The following NOLC1 variants were observed in gnomAD, a reference collection of about 807,000 sequenced individuals.
The protein encoded by NOLC1 is 140 kDa nucleolar phosphoprotein.
Under a neutral mutation model 73.4 loss-of-function variants are expected in NOLC1, and 37 were observed. The observed-to-expected ratio is 0.50, with a 90% CI of 0.39 to 0.66. The LOEUF is 0.66. Ranked by LOEUF, NOLC1 falls within the 30% of genes least tolerant of loss-of-function variation. The pLI, the probability that NOLC1 is intolerant of heterozygous loss-of-function variation, is 0.00. For missense variants in NOLC1, 921 were observed against 838.9 expected, an observed-to-expected ratio of 1.10 and a Z score of -1.21; for synonymous variants, 327 against 302.6, an observed-to-expected ratio of 1.08 and a Z score of -0.84.
chr10:102,159,977 A>G lies in NOLC1; in HGVS notation c.941A>G (p.Glu314Gly). Reference protein sequence around the residue: ...LGTQPPKKAVEKQQPVESSED... With the variant: ...LGTQPPKKAVGKQQPVESSED... ...ACCCAGCCTCCCAAGAAGGCTGTGG[A>G]GAAGCAGCAGCCTGTGGAAAGCAGT... is the stretch of plus-strand genomic sequence containing the variant. Residue 314 changes from glutamate (E) to glycine (G), a missense_variant, in exon 8 of 13, where the codon GAG becomes GGG. Glu to Gly is a moderately conservative substitution (Grantham distance 98). Transcript: ENST00000605788. The G allele has an allele frequency of 6.2e-7, 1 of 1,612,036 alleles. No individual in the cohort carries two copies. The highest frequency in any genetic ancestry group is 8.5e-7 in the Non-Finnish European group (1 of 1,179,046).
intron 1 of NOLC1, 46 bp from the exon 2 acceptor site, chr10:102,156,973 A>G (rs1368340765): frequency 6.4e-7 from 1 of 1,574,226 alleles, no homozygotes; most frequent in East Asian, 2.2e-5. Flanking sequence ...ATGAAAGCAT[A>G]ACCAGGATAA....
intron 12 of NOLC1, 75 bp from the exon 13 acceptor site, chr10:102,162,036 A>C: frequency 6.2e-7 from 1 of 1,602,984 alleles, no homozygotes; most frequent in South Asian, 1.1e-5. Flanking sequence ...TTCCTTGAGC[A>C]GGGAGTAGAA....
rs1317707741 is a variant in NOLC1, at chr10:102,163,256, A to G, written c.*987A>G. The G allele has an allele frequency of 6.6e-6, 1 of 151,774 alleles. No individual in the cohort carries two copies. Among genetic ancestry groups the G allele is most frequent in the East Asian group, 1.9e-4 (1 of 5,204 alleles). The allele number at this position is 151,774 out of a possible 1,614,324, so 9.4% of individuals were successfully genotyped here. A position where few individuals can be genotyped will look rare whatever the true frequency, so the allele number is the denominator to read the frequency against. Reference sequence around the variant, plus strand: ...ACTGATCAAGAAAGTGGGGGGAAAAAAAACAAACGTTAAAACCTCAATCCT... The same window carrying G: ...ACTGATCAAGAAAGTGGGGGGAAAAGAAACAAACGTTAAAACCTCAATCCT... On this transcript the variant is annotated 3_prime_UTR_variant, in exon 13 of 13. Transcript: ENST00000605788.
At chr10:102,154,556 C>T (rs1056051323) in intron 1 of NOLC1, among the ~76,000 whole-genome samples, 1 of 152,154 alleles carries the variant, frequency 6.6e-6, no homozygotes, top group Non-Finnish European at 1.5e-5. Context: ...CTCACTGTTG[C>T]CCAGGCGGGA....
At chr10:102,160,050 C>A in intron 8 of NOLC1, 26 bp downstream of exon 8, 1 of 1,608,460 alleles carries the variant, frequency 6.2e-7, no homozygotes, top group Non-Finnish European at 8.5e-7. Flanking sequence ...GCAGCCTCCC[C>A]TCAGCGTGGG....
chr10:102,156,734 A>ATT (rs1478137674), intron 1 of NOLC1, among the ~76,000 whole-genome samples: 1 of 151,978 alleles, frequency 6.6e-6, no homozygotes, highest in East Asian at 1.9e-4. Context: ...TGACTGGCTG[A>ATT]TTTTTTGTTT....
At position 102,158,032 on chromosome 10, in the gene NOLC1, T is replaced by G. The variant is rs765350408; in HGVS notation, c.442-17T>G. 7.5e-6 allele frequency: 12 copies of G among 1,610,012 alleles called. No homozygotes were observed. Among genetic ancestry groups the G allele is most frequent in the Non-Finnish European group, 9.3e-6 (11 of 1,178,418 alleles). On this transcript the variant is annotated splice_polypyrimidine_tract_variant and intron_variant, in intron 4 of 12. Transcript: ENST00000605788. ...GGAAGCTTTTGCTGATTTCTCTCCTTGTGTCTTTTCTAACAGAAGGGAGTT... is the reference window on the plus strand; with the variant it reads ...GGAAGCTTTTGCTGATTTCTCTCCTGGTGTCTTTTCTAACAGAAGGGAGTT...
At chr10:102,157,953 T>C (rs1232819284) in intron 4 of NOLC1, 96 bp from the exon 5 acceptor site, 15 of 1,113,694 alleles carry the variant, frequency 1.3e-5, no homozygotes, top group Non-Finnish European at 1.9e-5. Flanking sequence ...TTGCTCTTAC[T>C]GCTCCATTAG....
At position 102,161,907 on chromosome 10, in the gene NOLC1, C is replaced by T. The variant is rs758173436; in HGVS notation, c.1923C>T (p.Asp641=). ...EEIEVDSRVA[D]NSFDAKRGAA... ...TTGAGGTGGATTCACGAGTTGCGGA[C>T]AACTCCTTTGATGCCAAGGTGAGAG... is the stretch of plus-strand genomic sequence containing the variant. The change falls in exon 12 of 13, where the codon GAC becomes GAT. Residue 641 remains aspartate (D), a synonymous_variant. Transcript: ENST00000605788. The T allele has an allele frequency of 8.1e-6, 13 of 1,614,128 alleles. No individual in the cohort carries two copies. Among genetic ancestry groups the T allele is most frequent in the Admixed American group, 3.3e-5 (2 of 60,026 alleles).
chr10:102,162,318 C>T lies in NOLC1; in HGVS notation c.*49C>T, dbSNP rs368900320. 73 of 1,592,052 alleles carry T rather than the reference C, an allele frequency of 4.6e-5. 1 individual carries two copies. Among genetic ancestry groups the T allele is most frequent in the Non-Finnish European group, 6.2e-5 (72 of 1,166,782 alleles). Reference sequence around the variant, plus strand: ...AAGGGTGATGATCGGAGACTACTTACTTTCTCCAGTGGACCTGGGAACCCT... The same window carrying T: ...AAGGGTGATGATCGGAGACTACTTATTTTCTCCAGTGGACCTGGGAACCCT... On this transcript the variant is annotated 3_prime_UTR_variant, in exon 13 of 13. Transcript: ENST00000605788.
Position 102,161,110 on chromosome 10 carries a change from C to G in NOLC1, c.1741+17C>G, listed in dbSNP as rs1470601319. 1.3e-6 allele frequency: 2 copies of G among 1,580,576 alleles called. No individual in the cohort carries two copies. Among genetic ancestry groups the G allele is most frequent in the African/African-American group, 2.7e-5 (2 of 73,476 alleles). ...CCAAATCAGGTCTGTACCCAATGAA[C>G]ATGCCCTCTGGGTTTTGTCCCCCCA... On this transcript the variant is annotated intron_variant, in intron 10 of 12. Transcript: ENST00000605788.
Position 102,162,137 on chromosome 10 carries a change from GC to G in NOLC1, c.1969del (p.Arg657GlufsTer6), listed in dbSNP as rs1564973436. On this transcript the variant is annotated frameshift_variant, in exon 13 of 13. Coordinates refer to ENST00000605788, the MANE Select transcript of NOLC1 (RefSeq NM_004741.5). LOFTEE classifies it high-confidence loss of function. ...KRGAAGDWGERANQVLKFTKG... is the reference protein window; with the variant it reads ...KRGAAGDWGEXANQVLKFTKG... The stretch of plus-strand genomic sequence containing the variant: ...GAGGTGCAGCCGGAGACTGGGGAGA[GC>G]GAGCCAATCAGGTTTTGAAGTTCAC... The G allele has an allele frequency of 6.2e-7, 1 of 1,614,042 alleles. No homozygotes were observed.
intron 1 of NOLC1, among the ~76,000 whole-genome samples, chr10:102,153,271 GT>G (rs1418280436): frequency 6.6e-6 from 1 of 152,202 alleles, no homozygotes; most frequent in Non-Finnish European, 1.5e-5. Flanking sequence ...AGCAATCTCA[GT>G]GCTGGTACAG....
intron 11 of NOLC1, 33 bp downstream of exon 11, chr10:102,161,695 C>T (rs1465426679): frequency 6.3e-7 from 1 of 1,587,234 alleles, no homozygotes; most frequent in Non-Finnish European, 8.6e-7. Flanking sequence ...CAGGAGCCAG[C>T]TCTTTAAAAG....
In NOLC1 at chr10:102,160,795, G is replaced by A. The variant is rs1420537535; in HGVS notation, c.1443G>A (p.Glu481=). 1.2e-6 allele frequency: 2 copies of A among 1,614,248 alleles called. No individual in the cohort carries two copies. The highest frequency in any genetic ancestry group is 1.7e-5 in the Admixed American group (1 of 60,032). ...CAGACAGCTCCAGCAGTGAGGAGGA[G>A]GAAGAGAAGACATCTAAGTCTGCAG... ...SDSDSSSSEE[E]EEKTSKSAVK... Residue 481 remains glutamate, a synonymous_variant, in exon 10 of 13, where the codon GAG becomes GAA. Coordinates refer to ENST00000605788, the MANE Select transcript of NOLC1 (RefSeq NM_004741.5).
intron 1 of NOLC1, among the ~76,000 whole-genome samples, chr10:102,154,929 C>CATGATTCGAT (rs2069566227): frequency 2.0e-5 from 3 of 152,102 alleles, no homozygotes; most frequent in Admixed American, 6.5e-5. Flanking sequence ...AATCATACTT[C>CATGATTCGAT]GCTGTAGCAT....
At position 102,160,065 on chromosome 10, in the gene NOLC1, G is replaced by C. The variant is rs753759039; in HGVS notation, c.988+41G>C. The C allele has an allele frequency of 9.4e-6, 15 of 1,602,424 alleles. No homozygotes were observed. The South Asian group carries it at 1.7e-4, about 18-fold the overall frequency. ...GCAGCCTCCCCTCAGCGTGGGTCTGGAGGAGGGGATGAGGAATAAGGGAGA... is the reference window on the plus strand; with the variant it reads ...GCAGCCTCCCCTCAGCGTGGGTCTGCAGGAGGGGATGAGGAATAAGGGAGA... On this transcript the variant is annotated intron_variant, in intron 8 of 12. Transcript: ENST00000605788.
At chr10:102,161,407 CTT>C in intron 10 of NOLC1, 147 bp from the exon 11 acceptor site, 1 of 656,814 alleles carries the variant, frequency 1.5e-6, no homozygotes, top group South Asian at 2.0e-5. Context: ...ATTTTTTTAA[CTT>C]TTTATAGAGA....
chr10:102,156,694 A>G (rs1461722144), intron 1 of NOLC1, among the ~76,000 whole-genome samples: 1 of 151,994 alleles, frequency 6.6e-6, no homozygotes, highest in East Asian at 1.9e-4. Context: ...CGGCCTCCCA[A>G]AGTGCTGGGA....
Sources: gnomAD v4.1 joint callset for allele counts (sites outside exome capture counted in the v4.1 genomes callset) on GRCh38, gnomAD v4.1.1 for gene constraint, MANE v1.5 for transcripts, NCBI Gene and HGNC (gene_info 2026-07-23, HGNC 2026-07-21) for gene names.